Variants in CDH11 observed in about 807,000 individuals in gnomAD.
CDH11 encodes the protein cadherin-11.
Under a neutral mutation model 67.8 loss-of-function variants are expected in CDH11, and 11 were observed. The ratio of observed to expected loss-of-function variants is 0.16; its 90% CI spans 0.10 to 0.27. The LOEUF is 0.27. Ranked by LOEUF, CDH11 falls within the 10% of genes least tolerant of loss-of-function variation. The probability of loss-of-function intolerance (pLI) is 1.00; values close to 1 mark genes in which losing one functional copy is unlikely to be tolerated. For missense variants in CDH11, 847 were observed against 1,031.2 expected, an observed-to-expected ratio of 0.82 and a Z score of 2.45; for synonymous variants, 419 against 400.0, an observed-to-expected ratio of 1.05 and a Z score of -0.57.
rs35195 is a variant in CDH11 at position 64,991,815 on chromosome 16, G to A, written c.764C>T (p.Thr255Met). The change falls in exon 6 of 13, where the codon ACG becomes ATG. Residue 255 changes from threonine to methionine, a missense_variant. Physicochemically the swap from Thr to Met is moderately conservative, Grantham distance 81. Transcript: ENST00000268603. Reference sequence around the variant, plus strand: ...GTCATTGACATCGGTCAGTGTGATCGTCACTTTGGTTGTCCCTGAGAGTCC... The same window carrying A: ...GTCATTGACATCGGTCAGTGTGATCATCACTTTGGTTGTCCCTGAGAGTCC... ...MGGLSGTTKV[T>M]ITLTDVNDNP... is the part of the protein sequence containing the mutation. 514,650 of 1,612,184 alleles carry A rather than the reference G, an allele frequency of 0.32. 87,602 individuals are homozygous for A. The highest frequency in any genetic ancestry group is 0.36 in the Non-Finnish European group (421,030 of 1,178,440).
intron 1 of CDH11, among the ~76,000 whole-genome samples, chr16:65,092,511 A>G (rs1258034534): frequency 6.6e-6 from 1 of 152,138 alleles, no homozygotes; most frequent in East Asian, 1.9e-4. Flanking sequence ...CCTTAGTACC[A>G]CTTGCACACC....
intron 1 of CDH11, among the ~76,000 whole-genome samples, chr16:65,112,808 G>T (rs1462832371): frequency 1.3e-5 from 2 of 152,174 alleles, no homozygotes; most frequent in Non-Finnish European, 2.9e-5. Flanking sequence ...ATCAAACAGC[G>T]TATGAAATGA....
chr16:65,111,471 C>T (rs1040138569), intron 1 of CDH11, among the ~76,000 whole-genome samples: 2 of 152,054 alleles, frequency 1.3e-5, no homozygotes, highest in African/African-American at 2.4e-5. Context: ...TGGGGAAATG[C>T]GGCTTAACGG....
intron 1 of CDH11, chr16:65,072,162 CAT>C (rs1026537256): frequency 6.6e-6 from 1 of 152,304 alleles, no homozygotes; most frequent in Non-Finnish European, 1.5e-5. Flanking sequence ...CGGGACACCT[CAT>C]GTGGGGAGAC....
rs143948921 is a variant in CDH11, at chr16:65,084,075, A to C, written c.-297-30147T>G. On this transcript the variant is annotated intron_variant, in intron 1 of 12. Coordinates refer to ENST00000268603, the MANE Select transcript of CDH11 (RefSeq NM_001797.4). ...TACACGACAGTCCCCCACAGTCAAG[A>C]ATTGTCCTGTTCAAAATGCCAATAA... Among the ~76,000 whole-genome samples, 363 of 152,314 alleles carry C rather than the reference A, an allele frequency of 2.4e-3. 2 individuals are homozygous for C. Among genetic ancestry groups the C allele is most frequent in the African/African-American group, 8.0e-3 (333 of 41,584 alleles).
At chr16:65,114,552 TAG>T (rs1458742210) in intron 1 of CDH11, among the ~76,000 whole-genome samples, 6 of 152,140 alleles carry the variant, frequency 3.9e-5, no homozygotes, top group Admixed American at 1.3e-4. Flanking sequence ...AGGTACCGAG[TAG>T]AGCGTCCGGC....
chr16:64,981,780 G>A, intron 8 of CDH11: 1 of 341,616 alleles, frequency 2.9e-6, no homozygotes, highest in Non-Finnish European at 5.2e-6. Context: ...AGGCAGACAG[G>A]CCCAGCTCAG....
intron 2 of CDH11, among the ~76,000 whole-genome samples, chr16:65,026,084 C>A (rs1344223324): frequency 1.3e-5 from 2 of 152,114 alleles, no homozygotes; most frequent in Non-Finnish European, 2.9e-5. Flanking sequence ...AGATGAGTCC[C>A]AGGAGTTCAG....
chr16:65,042,076 T>C (rs2073876934), intron 2 of CDH11, among the ~76,000 whole-genome samples: 1 of 152,236 alleles, frequency 6.6e-6, no homozygotes, highest in African/African-American at 2.4e-5. Flanking sequence ...AAATGCTTAA[T>C]AATTGGCTAT....
chr16:64,956,899 G>C (rs1214514921), intron 11 of CDH11, among the ~76,000 whole-genome samples: 1 of 151,958 alleles, frequency 6.6e-6, no homozygotes, highest in Non-Finnish European at 1.5e-5. Flanking sequence ...GCAATCAAGG[G>C]GAACATTAAG....
chr16:64,947,358 C>G lies in CDH11; in HGVS notation c.*245G>C. On this transcript the variant is annotated 3_prime_UTR_variant, in exon 13 of 13. Coordinates refer to ENST00000268603, the MANE Select transcript of CDH11 (RefSeq NM_001797.4). The stretch of plus-strand genomic sequence containing the variant: ...TCCTTCACTTAAATATTTTGTATGC[C>G]AAGTGTTTTTTTTTTCTAGCGAAGT... 1 of 1,266,054 alleles carries G rather than the reference C, an allele frequency of 7.9e-7. No individual in the cohort carries two copies. Among genetic ancestry groups the G allele is most frequent in the Admixed American group, 3.8e-5 (1 of 26,430 alleles). The allele number at this position is 1,266,054 out of a possible 1,614,324, so 78.4% of individuals were successfully genotyped here. A position where few individuals can be genotyped will look rare whatever the true frequency, so the allele number is the denominator to read the frequency against.
chr16:64,961,976 A>C (rs1230711360), intron 11 of CDH11, among the ~76,000 whole-genome samples: 1 of 152,152 alleles, frequency 6.6e-6, no homozygotes, highest in Non-Finnish European at 1.5e-5. Flanking sequence ...CTCAAGAACT[A>C]ATTTCCCTAT....
chr16:64,956,728 C>T (rs1218601832), intron 11 of CDH11, among the ~76,000 whole-genome samples: 1 of 152,278 alleles, frequency 6.6e-6, no homozygotes, highest in Admixed American at 6.5e-5. Flanking sequence ...TTTAGTCCAA[C>T]CTGGACTCCT....
intron 2 of CDH11, among the ~76,000 whole-genome samples, chr16:65,045,442 A>T (rs1270360455): frequency 6.7e-6 from 1 of 148,856 alleles, no homozygotes; most frequent in African/African-American, 2.5e-5. Context: ...CCTAGAAAAG[A>T]TAAACTCACT....
intron 2 of CDH11, among the ~76,000 whole-genome samples, chr16:65,036,261 G>A (rs1401688726): frequency 2.0e-5 from 3 of 152,106 alleles, no homozygotes; most frequent in East Asian, 1.9e-4. Flanking sequence ...TGCATGATTA[G>A]TGTAGCCTCT....
chr16:65,046,735 T>G (rs534035100), intron 2 of CDH11, among the ~76,000 whole-genome samples: 1 of 152,336 alleles, frequency 6.6e-6, no homozygotes, highest in African/African-American at 2.4e-5. Flanking sequence ...TAGGTTTGGA[T>G]AGTTTTAAAA....
chr16:65,050,622 A>G (rs541116211), intron 2 of CDH11, among the ~76,000 whole-genome samples: 34 of 87,168 alleles, frequency 3.9e-4, no homozygotes, highest in Non-Finnish European at 9.2e-4. Context: ...TTCCATCAAG[A>G]AGAAGCTTAA....
intron 3 of CDH11, among the ~76,000 whole-genome samples, chr16:65,003,045 A>C (rs1462261183): frequency 7.0e-6 from 1 of 141,882 alleles, no homozygotes; most frequent in Non-Finnish European, 1.5e-5. Context: ...GCTCCACATG[A>C]TAGGATTTCA....
Position 65,005,045 on chromosome 16 carries a change from C to G in CDH11, c.-172-4G>C. On this transcript the variant is annotated splice_region_variant and splice_polypyrimidine_tract_variant and intron_variant, in intron 2 of 12. Coordinates refer to ENST00000268603, the MANE Select transcript of CDH11 (RefSeq NM_001797.4). ...TGCCCACGTCCCCAGTTAGCTTCTG[C>G]AAGCAGAGAGAGGTTGGATTAACTG... 1.5e-6 allele frequency: 2 copies of G among 1,344,200 alleles called. No individual in the cohort carries two copies. Among genetic ancestry groups the G allele is most frequent in the South Asian group, 4.0e-5 (2 of 50,386 alleles). The allele number at this position is 1,344,200 out of a possible 1,614,324, so 83.3% of individuals were successfully genotyped here.
Sources: allele counts gnomAD v4.1 joint callset (sites outside exome capture counted in the v4.1 genomes callset), GRCh38; gene constraint gnomAD v4.1.1; transcripts MANE v1.5; gene names NCBI Gene and HGNC (gene_info 2026-07-23, HGNC 2026-07-21).